CARS2: variants seen among roughly 807,000 people sequenced by gnomAD.
CARS2 encodes the protein probable cysteine--tRNA ligase, mitochondrial.
Under a neutral mutation model 68.8 loss-of-function variants are expected in CARS2, and 52 were observed. That is an observed-to-expected ratio of 0.76 (90% CI 0.61 to 0.95). The LOEUF is 0.95. Ranked by LOEUF, CARS2 falls within the 40% of genes least tolerant of loss-of-function variation. The pLI, the probability that CARS2 is intolerant of heterozygous loss-of-function variation, is 0.00. For synonymous variants in CARS2, 314 were observed against 303.6 expected (o/e 1.03, Z -0.36); for missense variants, 780 against 754.2 (o/e 1.03, Z -0.40).
Position 110,705,446 on chromosome 13 carries a change from TA to T in CARS2, c.275+74del. 9.5e-7 allele frequency: 1 copy of T among 1,050,594 alleles called. No homozygotes were observed. The highest frequency in any genetic ancestry group is 1.4e-6 in the Non-Finnish European group (1 of 709,258). 65.1% of individuals were successfully genotyped at this position (1,050,594 alleles called of 1,614,324 possible). A position where few individuals can be genotyped will look rare whatever the true frequency, so the allele number is the denominator to read the frequency against. ...CATCCCTAAGTTGCCACTTAAGAGATAAAAGAAATCAGCAAAAGGCTTTCAA... is the reference window on the plus strand; with the variant it reads ...CATCCCTAAGTTGCCACTTAAGAGATAAAGAAATCAGCAAAAGGCTTTCAA... On this transcript the variant is annotated intron_variant, in intron 2 of 14. Transcript: ENST00000257347. The surrounding 1 kb of genome is among the most constrained non-coding windows in gnomAD (Gnocchi z 4.0).
exon 1 of CARS2, chr13:110,713,270 G>T: frequency 9.9e-6 from 13 of 1,315,716 alleles, no homozygotes; most frequent in Non-Finnish European, 1.3e-5. Flanking sequence ...AGAGTCAGGG[G>T]CTGAGGAGCG....
chr13:110,667,258 T>C (rs1248300308), intron 8 of CARS2, 82 bp downstream of exon 8: 2 of 1,281,080 alleles, frequency 1.6e-6, no homozygotes, highest in Admixed American at 2.0e-5. Context: ...CTACTATGTA[T>C]TTCCAAATGT....
intron 9 of CARS2, among the ~76,000 whole-genome samples, chr13:110,662,616 C>A (rs1426451546): frequency 6.6e-6 from 1 of 152,260 alleles, no homozygotes; most frequent in East Asian, 1.9e-4. Context: ...AAAGATCCTA[C>A]ACAGCAAATA....
Position 110,668,258 on chromosome 13 carries a change from T to C in CARS2, c.786-785A>G, listed in dbSNP as rs2062703487. Among the ~76,000 whole-genome samples the C allele has an allele frequency of 6.6e-6, 1 of 152,138 alleles. No homozygotes were observed. The highest frequency in any genetic ancestry group is 1.5e-5 in the Non-Finnish European group (1 of 68,032). On this transcript the variant is annotated intron_variant, in intron 7 of 14. Transcript: ENST00000257347. This position sits in a 1 kb window ranked among gnomAD's most constrained non-coding sequence, Gnocchi z 4.1. ...AGTGTGACGTTCTAAGACTTTTACA[T>C]CTTAGCCGGGCGCGGTGGCTCACGC...
rs1365637024 is a variant in CARS2 at position 110,670,299 on chromosome 13, C to T, written c.786-2826G>A. Reference sequence around the variant, plus strand: ...ATCCCCGAGTAGACCAACTGGGAGACACCTCCCAGTAGGGGCTGACTGACA... The same window carrying T: ...ATCCCCGAGTAGACCAACTGGGAGATACCTCCCAGTAGGGGCTGACTGACA... On this transcript the variant is annotated intron_variant, in intron 7 of 14. Transcript: ENST00000257347. This position sits in a 1 kb window ranked among gnomAD's most constrained non-coding sequence, Gnocchi z 4.1. 6.6e-6 allele frequency among the ~76,000 whole-genome samples: 1 copy of T among 152,218 alleles called. No individual in the cohort carries two copies. The highest frequency in any genetic ancestry group is 1.9e-4 in the East Asian group (1 of 5,198).
Position 110,642,471 on chromosome 13 carries a change from C to A in CARS2, c.1467G>T (p.Glu489Asp). 6.2e-7 allele frequency: 1 copy of A among 1,610,104 alleles called. No individual in the cohort carries two copies. The highest frequency in any genetic ancestry group is 2.2e-5 in the East Asian group (1 of 44,746). The change falls in exon 14 of 15, where the codon GAG becomes GAT. Residue 489 changes from glutamate (E) to aspartate (D), a missense_variant. Transcript: ENST00000257347. ...SEATLHGVVD[E>D]LVRFRQKVRQ... is the part of the protein sequence containing the mutation. ...GGACCTTCTGCCGGAACCGCACCAGCTCGTCCACCACACCATGCAAGGTAG... is the reference window on the plus strand; with the variant it reads ...GGACCTTCTGCCGGAACCGCACCAGATCGTCCACCACACCATGCAAGGTAG...
chr13:110,713,194 A>AT, exon 1 of CARS2: 2 of 1,424,338 alleles, frequency 1.4e-6, no homozygotes, highest in Non-Finnish European at 1.8e-6. Context: ...TGGCAAGTAG[A>AT]TTGGCTACTG....
At chr13:110,671,713 A>T (rs1404289738) in intron 7 of CARS2, among the ~76,000 whole-genome samples, 1 of 152,234 alleles carries the variant, frequency 6.6e-6, no homozygotes, top group African/African-American at 2.4e-5. Flanking sequence ...CACGCATAAC[A>T]ATATTAACCT....
At chr13:110,651,200 C>A in intron 9 of CARS2, 100 bp from the exon 10 acceptor site, 1 of 756,534 alleles carries the variant, frequency 1.3e-6, no homozygotes, top group Non-Finnish European at 2.1e-6. Context: ...TTATCTCTAC[C>A]TATCAAGAAA....
intron 8 of CARS2, chr13:110,663,967 G>GAATCAGA: frequency 1.0e-6 from 1 of 989,802 alleles, no homozygotes; most frequent in Non-Finnish European, 1.2e-6. Context: ...TGGCACTTGT[G>GAATCAGA]GGTCTCTGAG....
At position 110,652,361 on chromosome 13, in the gene CARS2, A is replaced by G. The variant is rs147113514; in HGVS notation, c.988-1261T>C. Among the ~76,000 whole-genome samples, 419 of 152,368 alleles carry G rather than the reference A, an allele frequency of 2.7e-3. 3 individuals are homozygous for G. The highest frequency in any genetic ancestry group is 9.7e-3 in the African/African-American group (402 of 41,594). Reference sequence around the variant, plus strand: ...AGTCCAGCTCAAAATACTGCATCACAACACATGGTATTTTATGAGGCATAA... The same window carrying G: ...AGTCCAGCTCAAAATACTGCATCACGACACATGGTATTTTATGAGGCATAA... On this transcript the variant is annotated intron_variant, in intron 9 of 14. Coordinates refer to ENST00000257347, the MANE Select transcript of CARS2 (RefSeq NM_024537.4).
chr13:110,663,448 T>C lies in CARS2; in HGVS notation c.987+3A>G, dbSNP rs1241008550. The C allele has an allele frequency of 6.2e-7, 1 of 1,612,292 alleles. No individual in the cohort carries two copies. The highest frequency in any genetic ancestry group is 1.3e-5 in the African/African-American group (1 of 74,764). On this transcript the variant is annotated splice_donor_region_variant and intron_variant, in intron 9 of 14. Transcript: ENST00000257347. ...CAGAGATACAATACAAAAAGCACGT[T>C]ACCTTAATAGTAATGTAGTTCTTTA...
chr13:110,644,218 G>C (rs1887786263), intron 13 of CARS2, 167 bp downstream of exon 13: 1 of 1,431,016 alleles, frequency 7.0e-7, no homozygotes, highest in Non-Finnish European at 9.4e-7. Flanking sequence ...CAATTAATAA[G>C]TATTGGCTCT....
At chr13:110,643,759 A>T in intron 13 of CARS2, 1 of 172,314 alleles carries the variant, frequency 5.8e-6, no homozygotes, top group Non-Finnish European at 1.3e-5. Context: ...AGAATAAGGC[A>T]GGAAACCTCA....
intron 10 of CARS2, among the ~76,000 whole-genome samples, chr13:110,649,931 C>CTTTTTTTTTTTTTTTTTTTTTTTTTTTT: frequency 1.4e-5 from 1 of 73,146 alleles, no homozygotes. Context: ...TGGATAACGA[C>CTTTTTTTTTTTTTTTTTTTTTTTTTTTT]TTTTTTTTTT....
chr13:110,642,463 C>G lies in CARS2; in HGVS notation c.1475G>C (p.Arg492Pro). The G allele has an allele frequency of 6.2e-7, 1 of 1,609,530 alleles. No individual in the cohort carries two copies. The highest frequency in any genetic ancestry group is 8.5e-7 in the Non-Finnish European group (1 of 1,178,430). ...TLHGVVDELV[R>P]FRQKVRQFAL... Reference sequence around the variant, plus strand: ...AAACTGCCGGACCTTCTGCCGGAACCGCACCAGCTCGTCCACCACACCATG... The same window carrying G: ...AAACTGCCGGACCTTCTGCCGGAACGGCACCAGCTCGTCCACCACACCATG... The change falls in exon 14 of 15, where the codon CGG becomes CCG. Residue 492 changes from arginine to proline, a missense_variant. Coordinates refer to ENST00000257347, the MANE Select transcript of CARS2 (RefSeq NM_024537.4).
chr13:110,672,262 A>T (rs2062823351), intron 7 of CARS2, among the ~76,000 whole-genome samples: 1 of 152,226 alleles, frequency 6.6e-6, no homozygotes, highest in Non-Finnish European at 1.5e-5. Flanking sequence ...CAGAATATAC[A>T]TTCTTCTCAG....
In CARS2 at chr13:110,705,985, C is replaced by T; in HGVS notation, c.109G>A (p.Gly37Arg). 1.3e-6 allele frequency: 2 copies of T among 1,505,878 alleles called. No homozygotes were observed. The highest frequency in any genetic ancestry group is 1.8e-6 in the Non-Finnish European group (2 of 1,131,702). 93.3% of individuals were successfully genotyped at this position (1,505,878 alleles called of 1,614,324 possible). Reference protein sequence around the residue: ...HWPAGRAASGGRGRAWLQPTG... With the variant: ...HWPAGRAASGRRGRAWLQPTG... ...GGCTGCAGCCAGGCCCGCCCGCGCC[C>T]CCCGCTCGCCGCCCGGCCCGCAGGC... Residue 37 changes from glycine (G) to arginine (R), a missense_variant, in exon 1 of 15, where the codon GGG (glycine) becomes AGG (arginine). Gly to Arg is a moderately radical substitution (Grantham distance 125). Transcript: ENST00000257347. This position sits in a 1 kb window ranked among gnomAD's most constrained non-coding sequence, Gnocchi z 4.0.
chr13:110,652,524 C>G (rs2062245002), intron 9 of CARS2, among the ~76,000 whole-genome samples: 1 of 152,216 alleles, frequency 6.6e-6, no homozygotes, highest in African/African-American at 2.4e-5. Flanking sequence ...AAGGAGGGGG[C>G]TCCCTGGACT....
Sources: gnomAD v4.1 joint callset for allele counts (sites outside exome capture counted in the v4.1 genomes callset) on GRCh38, gnomAD v4.1.1 for gene constraint, Gnocchi (gnomAD v3.1) non-coding constraint, MANE v1.5 for transcripts, NCBI Gene and HGNC (gene_info 2026-07-23, HGNC 2026-07-21) for gene names.